The following NOMO2 variants were observed in gnomAD, a reference collection of about 807,000 sequenced individuals.
NOMO2 encodes BOS complex subunit NOMO2.
Under a neutral mutation model 67.1 loss-of-function variants are expected in NOMO2, and 14 were observed. The ratio of observed to expected loss-of-function variants is 0.21; its 90% CI spans 0.14 to 0.33. NOMO2 has a LOEUF of 0.33. Ranked by LOEUF, NOMO2 falls within the 10% of genes least tolerant of loss-of-function variation. NOMO2 has a pLI of 1.00. For synonymous variants in NOMO2, 80 were observed against 305.9 expected, an observed-to-expected ratio of 0.26 and a Z score of 7.71; for missense variants, 178 against 761.0, an observed-to-expected ratio of 0.23 and a Z score of 9.01.
intron 11 of NOMO2, among the ~76,000 whole-genome samples, chr16:18,537,411 T>G (rs1183361655): frequency 6.7e-6 from 1 of 149,230 alleles, no homozygotes; most frequent in Non-Finnish European, 1.5e-5. Flanking sequence ...CAGAATGCCC[T>G]ATTGAAAACA....
intron 16 of NOMO2, among the ~76,000 whole-genome samples, chr16:18,526,621 T>C (rs1318522163): frequency 6.6e-6 from 1 of 151,370 alleles, no homozygotes; most frequent in Non-Finnish European, 1.5e-5. Flanking sequence ...ATGACACAGA[T>C]AAACTTCAAA....
rs1567236611 is a variant in NOMO2 at position 18,520,370 on chromosome 16, T to TCCATCCATC, written c.2356+226_2356+227insGATGGATGG. 4.3e-5 allele frequency among the ~76,000 whole-genome samples: 5 copies of TCCATCCATC among 115,974 alleles called. 1 individual carries two copies. The highest frequency in any genetic ancestry group is 2.6e-4 in the Admixed American group (3 of 11,476). 76.1% of individuals were successfully genotyped at this position (115,974 alleles called of 152,430 possible). On this transcript the variant is annotated intron_variant, in intron 20 of 30. Transcript: ENST00000622306. ...ACTTTTATTTATCTAAATCATTCATTCATCCATCCATCCATCCATCCATCC... is the reference window on the plus strand; with the variant it reads ...ACTTTTATTTATCTAAATCATTCATTCCATCCATCCATCCATCCATCCATCCATCCATCC...
At chr16:18,532,199 T>G in intron 12 of NOMO2, among the ~76,000 whole-genome samples, 1 of 107,000 alleles carries the variant, frequency 9.3e-6, no homozygotes, top group Non-Finnish European at 2.0e-5. Flanking sequence ...TACCATCTAA[T>G]AAAGGCAGCT....
At chr16:18,528,262 CAA>C (rs1185348575) in intron 15 of NOMO2, among the ~76,000 whole-genome samples, 15 of 67,152 alleles carry the variant, frequency 2.2e-4, no homozygotes, top group East Asian at 4.1e-4. Context: ...AAGGAAGTGT[CAA>C]AAAAAAAAAA....
chr16:18,561,609 G>C (rs1262006616), intron 1 of NOMO2, among the ~76,000 whole-genome samples: 2 of 151,276 alleles, frequency 1.3e-5, no homozygotes, highest in African/African-American at 4.9e-5. Context: ...GAGGATCTGG[G>C]GTCTGTGTTC....
chr16:18,536,167 A>C (rs1162770991), intron 11 of NOMO2, among the ~76,000 whole-genome samples: 1 of 152,114 alleles, frequency 6.6e-6, no homozygotes. Flanking sequence ...CAAGGCTACA[A>C]GGCCCCAGAG....
chr16:18,529,960 A>T (rs1264310786), intron 14 of NOMO2, among the ~76,000 whole-genome samples: 1 of 146,054 alleles, frequency 6.8e-6, no homozygotes, highest in African/African-American at 2.5e-5. Context: ...TACTAAAAAT[A>T]CAAAAGTGAT....
chr16:18,553,070 T>C (rs1357909477), intron 3 of NOMO2, among the ~76,000 whole-genome samples: 1 of 151,750 alleles, frequency 6.6e-6, no homozygotes, highest in East Asian at 1.9e-4. Context: ...GGTCAGGAGT[T>C]CGAGACCAGC....
chr16:18,541,902 G>C (rs1302685246), intron 9 of NOMO2, among the ~76,000 whole-genome samples: 1 of 115,536 alleles, frequency 8.7e-6, no homozygotes, highest in Non-Finnish European at 1.8e-5. Context: ...GCCTCTTTTG[G>C]TCACTGCTAT....
intron 4 of NOMO2, among the ~76,000 whole-genome samples, chr16:18,551,229 G>C (rs1901779929): frequency 1.3e-5 from 2 of 151,940 alleles, no homozygotes; most frequent in South Asian, 2.1e-4. Context: ...GGAGCAGAGG[G>C]GATGACCAGC....
At chr16:18,556,391 C>A (rs1376187093) in intron 2 of NOMO2, among the ~76,000 whole-genome samples, 1 of 150,840 alleles carries the variant, frequency 6.6e-6, no homozygotes, top group Non-Finnish European at 1.5e-5. Context: ...TGCAGTGAGC[C>A]GAGATCGCGC....
intron 11 of NOMO2, 189 bp from the exon 12 acceptor site, chr16:18,533,368 G>A (rs1901348479): frequency 1.8e-6 from 1 of 541,432 alleles, no homozygotes; most frequent in South Asian, 2.4e-5. Context: ...GTTTTAAAAA[G>A]CAACCTTCAG....
intron 4 of NOMO2, among the ~76,000 whole-genome samples, chr16:18,551,169 G>A (rs909520358): frequency 1.6e-4 from 25 of 152,022 alleles, no homozygotes; most frequent in Middle Eastern, 3.4e-3. Flanking sequence ...GCAAGACCCT[G>A]TCTCAAAATA....
At chr16:18,535,506 G>A (rs1353979588) in intron 11 of NOMO2, among the ~76,000 whole-genome samples, 8 of 151,878 alleles carry the variant, frequency 5.3e-5, no homozygotes, top group African/African-American at 1.7e-4. Flanking sequence ...TGTGAACAGC[G>A]CCTCCTCCAT....
intron 9 of NOMO2, among the ~76,000 whole-genome samples, chr16:18,539,740 C>CT (rs1723155934): frequency 6.6e-6 from 1 of 151,798 alleles, no homozygotes; most frequent in South Asian, 2.1e-4. Flanking sequence ...CAGCAAGACT[C>CT]TGTCTCAAAG....
intron 16 of NOMO2, among the ~76,000 whole-genome samples, chr16:18,526,675 T>C (rs1343223770): frequency 6.6e-6 from 1 of 151,614 alleles, no homozygotes; most frequent in African/African-American, 2.4e-5. Context: ...CAGCATCGTA[T>C]GATAAACGTC....
At chr16:18,532,929 C>T (rs918143744) in intron 12 of NOMO2, 76 bp downstream of exon 12, 8 of 1,470,176 alleles carry the variant, frequency 5.4e-6, no homozygotes, top group Non-Finnish European at 6.4e-6. Flanking sequence ...TTCTCTAACC[C>T]CATTCGACCT....
chr16:18,538,407 A>AAT, intron 11 of NOMO2, 119 bp downstream of exon 11: 7 of 1,297,240 alleles, frequency 5.4e-6, no homozygotes, highest in South Asian at 1.5e-5. Context: ...AAAAAAAAAA[A>AAT]GTACTAATCT....
chr16:18,549,287 C>T (rs1901724141), intron 5 of NOMO2, among the ~76,000 whole-genome samples: 1 of 149,738 alleles, frequency 6.7e-6, no homozygotes, highest in African/African-American at 2.4e-5. Context: ...ATATGCCTGG[C>T]CAGTATGAAC....
Sources: allele counts gnomAD v4.1 joint callset (sites outside exome capture counted in the v4.1 genomes callset), GRCh38; gene constraint gnomAD v4.1.1; transcripts MANE v1.5; gene names NCBI Gene and HGNC (gene_info 2026-07-23, HGNC 2026-07-21).